Variants in VAV3 observed in about 807,000 individuals in gnomAD.
The protein encoded by VAV3 is vav guanine nucleotide exchange factor 3.
VAV3 carries 94 observed loss-of-function variants against 131.2 expected under a neutral mutation model. That is an observed-to-expected ratio of 0.72 (90% confidence interval 0.61 to 0.85). VAV3 has a LOEUF of 0.85. VAV3 is among the 40% of genes least tolerant of loss of function. The pLI is 0.00. For synonymous variants in VAV3, 349 were observed against 342.0 expected (o/e 1.02, Z -0.22); for missense variants, 939 against 1,002.7 (o/e 0.94, Z 0.86).
intron 2 of VAV3, among the ~76,000 whole-genome samples, chr1:107,781,881 A>C (rs1459748062): frequency 6.6e-6 from 1 of 152,150 alleles, no homozygotes; most frequent in Non-Finnish European, 1.5e-5. Context: ...AGAATGAACA[A>C]ATACTAATAA....
intron 1 of VAV3, among the ~76,000 whole-genome samples, chr1:107,952,485 T>TATATATATATATATAC: frequency 1.1e-5 from 1 of 94,430 alleles, no homozygotes; most frequent in East Asian, 3.4e-4. Context: ...TATATATATA[T>TATATATATATATATAC]ACACACATAA....
At chr1:107,625,647 G>A (rs994096898) in intron 20 of VAV3, among the ~76,000 whole-genome samples, 10 of 152,214 alleles carry the variant, frequency 6.6e-5, no homozygotes, top group African/African-American at 2.2e-4. Context: ...TCAGTGTGAA[G>A]CGGTCTATTT....
chr1:107,779,257 A>G (rs531747966), intron 3 of VAV3, among the ~76,000 whole-genome samples, 177 bp downstream of exon 3: 12 of 152,286 alleles, frequency 7.9e-5, no homozygotes, highest in Admixed American at 6.5e-4. Flanking sequence ...AACTCTATCA[A>G]TAAGTTCTAC....
At chr1:107,933,410 T>C (rs531439278) in intron 1 of VAV3, among the ~76,000 whole-genome samples, 1 of 152,260 alleles carries the variant, frequency 6.6e-6, no homozygotes, top group South Asian at 2.1e-4. Context: ...AAATTCTGAA[T>C]ATAAATGTCC....
intron 19 of VAV3, among the ~76,000 whole-genome samples, chr1:107,678,960 A>C (rs962754151): frequency 2.0e-5 from 3 of 152,158 alleles, no homozygotes; most frequent in Non-Finnish European, 4.4e-5. Context: ...ACATGCATTT[A>C]TGCAATCAGA....
At chr1:107,669,288 G>A in intron 19 of VAV3, 11 of 1,283,766 alleles carry the variant, frequency 8.6e-6, no homozygotes, top group Non-Finnish European at 1.1e-5. Flanking sequence ...GTGTAAGTGG[G>A]GACAAAAAGA....
intron 19 of VAV3, among the ~76,000 whole-genome samples, chr1:107,656,668 T>C (rs1656582180): frequency 1.3e-5 from 2 of 152,246 alleles, no homozygotes; most frequent in Admixed American, 1.3e-4. Flanking sequence ...CAATGAACCC[T>C]GATGTGACTA....
chr1:107,678,125 G>A (rs908551621), intron 19 of VAV3: 4 of 151,484 alleles, frequency 2.6e-5, no homozygotes, highest in Non-Finnish European at 5.9e-5. Context: ...AAAAAAAGTC[G>A]GCTATTTTAA....
intron 4 of VAV3, 52 bp from the exon 5 acceptor site, chr1:107,772,895 A>T (rs778847863): frequency 7.1e-7 from 1 of 1,400,890 alleles, no homozygotes; most frequent in East Asian, 2.3e-5. Context: ...AGTAAATGCA[A>T]TAGCTACAAA....
chr1:107,899,381 G>A (rs11185209), intron 1 of VAV3, among the ~76,000 whole-genome samples: 24,215 of 152,076 alleles, frequency 0.16, 2,009 homozygotes, highest in South Asian at 0.22. Context: ...TTCTGCGCAA[G>A]GTGCTGAATA....
chr1:107,638,247 T>C (rs1256645589), intron 20 of VAV3, among the ~76,000 whole-genome samples: 1 of 152,138 alleles, frequency 6.6e-6, no homozygotes, highest in Admixed American at 6.6e-5. Context: ...GGCAATCAGA[T>C]TGCAAAGGAA....
At chr1:107,699,510 T>C (rs1659960807) in intron 17 of VAV3, among the ~76,000 whole-genome samples, 1 of 152,198 alleles carries the variant, frequency 6.6e-6, no homozygotes. Flanking sequence ...GGACCTACCA[T>C]TGTGGAATCT....
intron 17 of VAV3, among the ~76,000 whole-genome samples, chr1:107,697,018 C>T (rs114898280): frequency 8.2e-4 from 125 of 152,258 alleles, no homozygotes; most frequent in African/African-American, 2.9e-3. Flanking sequence ...TAAAGTCTAG[C>T]TTGCCCAAGA....
chr1:107,656,969 T>C (rs931093618), intron 19 of VAV3, among the ~76,000 whole-genome samples: 23 of 66,320 alleles, frequency 3.5e-4, no homozygotes, highest in East Asian at 1.0e-3. Context: ...TTTTTTTTTT[T>C]CCGAGACGAT....
At chr1:107,708,451 G>C (rs186425299) in intron 15 of VAV3, among the ~76,000 whole-genome samples, 396 of 152,236 alleles carry the variant, frequency 2.6e-3, no homozygotes, top group Non-Finnish European at 4.7e-3. Context: ...CATTTCTTTT[G>C]CTTCACATAG....
At chr1:107,916,288 CTCATGG>C (rs1339832553) in intron 1 of VAV3, among the ~76,000 whole-genome samples, 4 of 152,174 alleles carry the variant, frequency 2.6e-5, no homozygotes, top group Admixed American at 2.6e-4. Context: ...ATACTGTTCA[CTCATGG>C]TCAAATTTTT....
intron 13 of VAV3, among the ~76,000 whole-genome samples, chr1:107,750,446 A>T (rs1663641397): frequency 6.6e-6 from 1 of 152,192 alleles, no homozygotes; most frequent in Non-Finnish European, 1.5e-5. Flanking sequence ...TTTTATACAC[A>T]ATGATAATGA....
At chr1:107,861,807 C>T (rs1669753007) in intron 2 of VAV3, among the ~76,000 whole-genome samples, 1 of 151,652 alleles carries the variant, frequency 6.6e-6, no homozygotes, top group Non-Finnish European at 1.5e-5. Context: ...CAGCATCCTT[C>T]ATTTCCTCTA....
At chr1:107,856,011 T>C (rs1361393991) in intron 2 of VAV3, among the ~76,000 whole-genome samples, 3 of 152,174 alleles carry the variant, frequency 2.0e-5, no homozygotes, top group Non-Finnish European at 4.4e-5. Flanking sequence ...CAGAGGCAGC[T>C]AGGAAGCAAC....
Sources: allele counts gnomAD v4.1 joint callset (sites outside exome capture counted in the v4.1 genomes callset), GRCh38; gene constraint gnomAD v4.1.1; transcripts MANE v1.5; gene names NCBI Gene and HGNC (gene_info 2026-07-23, HGNC 2026-07-21).